Variants in SLC22A11 observed in about 807,000 individuals in gnomAD.
SLC22A11 encodes solute carrier family 22 member 11.
SLC22A11 carries 42 observed loss-of-function variants against 49.4 expected under a neutral mutation model. The observed-to-expected ratio is 0.85, with a 90% CI of 0.66 to 1.10. The LOEUF is 1.10. SLC22A11 is among the 50% of genes least tolerant of loss of function. SLC22A11 has a pLI of 0.00. For missense variants in SLC22A11, 685 were observed against 731.6 expected (o/e 0.94, Z 0.74); for synonymous variants, 304 against 315.8 (o/e 0.96, Z 0.40).
intron 2 of SLC22A11, among the ~76,000 whole-genome samples, chr11:64,560,480 C>T (rs1383164858): frequency 2.0e-5 from 3 of 152,334 alleles, no homozygotes; most frequent in South Asian, 4.1e-4. Flanking sequence ...CTCCTGGGGC[C>T]CCCTGCACGC....
At position 64,556,324 on chromosome 11, in the gene SLC22A11, G is replaced by A. The variant is rs991121523; in HGVS notation, c.325G>A (p.Asp109Asn). Residue 109 changes from aspartate (D) to asparagine (N), a missense_variant, in exon 1 of 10, where the codon GAC (aspartate) becomes AAC (asparagine). Transcript: ENST00000301891. ...CACGGCCACCAGCTGGAGCGAAGCT[G>A]ACACGGAGCCGTGTGTGGACGGCTG... ...NATATSWSEA[D>N]TEPCVDGWVY... 3 of 1,613,464 alleles carry A rather than the reference G, an allele frequency of 1.9e-6. No individual in the cohort carries two copies. The highest frequency in any genetic ancestry group is 2.5e-6 in the Non-Finnish European group (3 of 1,180,032).
chr11:64,570,904 A>G (rs1591378290), intron 9 of SLC22A11, 75 bp from the exon 10 acceptor site: 1 of 1,455,094 alleles, frequency 6.9e-7, no homozygotes, highest in Admixed American at 1.7e-5. Context: ...ATAAGACTTG[A>G]CCGCCATTTT....
rs1434564198 is a variant in SLC22A11, at chr11:64,572,283, T to C, written c.*1241T>C. 2 of 152,222 alleles carry C rather than the reference T, an allele frequency of 1.3e-5. No homozygotes were observed. The highest frequency in any genetic ancestry group is 2.9e-5 in the Non-Finnish European group (2 of 68,060). 9.4% of individuals were successfully genotyped at this position (152,222 alleles called of 1,614,324 possible). On this transcript the variant is annotated 3_prime_UTR_variant, in exon 10 of 10. Coordinates refer to ENST00000301891, the MANE Select transcript of SLC22A11 (RefSeq NM_018484.4). The stretch of plus-strand genomic sequence containing the variant: ...GTCGAGGCCGGCTGCCCATCTCAGA[T>C]GGGCAAGGAAGCAAAAGTGCAGAGT...
chr11:64,564,491 G>A lies in SLC22A11; in HGVS notation c.942+63G>A. On this transcript the variant is annotated intron_variant, in intron 5 of 9. Coordinates refer to ENST00000301891, the MANE Select transcript of SLC22A11 (RefSeq NM_018484.4). This position sits in a 1 kb window ranked among gnomAD's most constrained non-coding sequence, Gnocchi z 4.2. ...GGACGTGCACTGAGGGATCATCCGT[G>A]TGGCCTCCAACAGCACCACCCACTC... The A allele has an allele frequency of 6.3e-7, 1 of 1,587,764 alleles. No homozygotes were observed. The highest frequency in any genetic ancestry group is 1.1e-5 in the South Asian group (1 of 87,392).
rs139645779 is a variant in SLC22A11, at chr11:64,567,675, G to A, written c.1135G>A (p.Ala379Thr). 61 of 1,613,950 alleles carry A rather than the reference G, an allele frequency of 3.8e-5. No homozygotes were observed. In the East Asian group the frequency reaches 6.0e-4, roughly 16 times the overall value. ...SLGRDIFLLQ[A>T]LFGAVDFLGR... ...GGGCCGTGACATCTTCCTCCTCCAG[G>A]CCCTCTTCGGGGCCGTGGACTTCCT... is the stretch of plus-strand genomic sequence containing the variant. Residue 379 changes from alanine to threonine, a missense_variant, in exon 7 of 10, where the codon GCC (alanine) becomes ACC (threonine). By Grantham distance (58) the Ala-to-Thr change is moderately conservative. Coordinates refer to ENST00000301891, the MANE Select transcript of SLC22A11 (RefSeq NM_018484.4).
chr11:64,567,552 C>A, intron 6 of SLC22A11, 47 bp from the exon 7 acceptor site: 1 of 1,575,570 alleles, frequency 6.3e-7, no homozygotes, highest in Non-Finnish European at 8.7e-7. Flanking sequence ...TGTTGGGGTG[C>A]CCTCTCCCCG....
At position 64,559,238 on chromosome 11, in the gene SLC22A11, G is replaced by A. The variant is rs571324325; in HGVS notation, c.497G>A (p.Arg166Gln). ...TTTATCTGGGGCCTCCTCTCCTACC[G>A]GTGAGTGCCTCCGCTCCTCCCAGCC... is the stretch of plus-strand genomic sequence containing the variant. Reference protein sequence around the residue: ...GSFIWGLLSYRFGRKPMLSWC... With the variant: ...GSFIWGLLSYQFGRKPMLSWC... The change falls in exon 2 of 10, where the codon CGG becomes CAG. Residue 166 changes from arginine to glutamine, a missense_variant and splice_region_variant. Arg to Gln is a conservative substitution (Grantham distance 43). Coordinates refer to ENST00000301891, the MANE Select transcript of SLC22A11 (RefSeq NM_018484.4). 1.8e-5 allele frequency: 28 copies of A among 1,594,646 alleles called. No individual in the cohort carries two copies. In the Admixed American group the frequency reaches 2.1e-4, roughly 12 times the overall value.
rs767294803 is a variant in SLC22A11 at position 64,556,078 on chromosome 11, C to T, written c.79C>T (p.Pro27Ser). Reference protein sequence around the residue: ...QTLQVLTFILPCLMIPSQMLL... With the variant: ...QTLQVLTFILSCLMIPSQMLL... ...CCTGCAGGTGCTCACCTTCATCCTCCCCTGCCTCATGATACCTTCCCAGAT... is the reference window on the plus strand; with the variant it reads ...CCTGCAGGTGCTCACCTTCATCCTCTCCTGCCTCATGATACCTTCCCAGAT... The change falls in exon 1 of 10, where the codon CCC becomes TCC. Residue 27 changes from proline to serine, a missense_variant. Physicochemically the swap from Pro to Ser is moderately conservative, Grantham distance 74. Transcript: ENST00000301891. 3 of 1,613,990 alleles carry T rather than the reference C, an allele frequency of 1.9e-6. No individual in the cohort carries two copies. Among genetic ancestry groups the T allele is most frequent in the African/African-American group, 2.7e-5 (2 of 74,952 alleles).
Position 64,564,481 on chromosome 11 carries a change from G to C in SLC22A11, c.942+53G>C, listed in dbSNP as rs1226775212. ...ACCTGGGACAGGACGTGCACTGAGG[G>C]ATCATCCGTGTGGCCTCCAACAGCA... On this transcript the variant is annotated intron_variant, in intron 5 of 9. Transcript: ENST00000301891. This position sits in a 1 kb window ranked among gnomAD's most constrained non-coding sequence, Gnocchi z 4.2. 1 of 1,596,964 alleles carries C rather than the reference G, an allele frequency of 6.3e-7. No individual in the cohort carries two copies. Among genetic ancestry groups the C allele is most frequent in the Non-Finnish European group, 8.6e-7 (1 of 1,169,408 alleles).
chr11:64,564,559 C>A lies in SLC22A11; in HGVS notation c.942+131C>A. On this transcript the variant is annotated intron_variant, in intron 5 of 9. Transcript: ENST00000301891. The surrounding 1 kb of genome is among the most constrained non-coding windows in gnomAD (Gnocchi z 4.2). ...GCACCACCACCAGCATCTCCACAGA[C>A]ACCACCAACACCTCCATCACCACCT... 1 of 1,048,292 alleles carries A rather than the reference C, an allele frequency of 9.5e-7. No individual in the cohort carries two copies. Among genetic ancestry groups the A allele is most frequent in the Non-Finnish European group, 1.4e-6 (1 of 718,060 alleles). The allele number at this position is 1,048,292 out of a possible 1,614,324, so 64.9% of individuals were successfully genotyped here.
rs1011361673 is a variant in SLC22A11 at position 64,562,931 on chromosome 11, C to T, written c.821+496C>T. Among the ~76,000 whole-genome samples, 19 of 152,160 alleles carry T rather than the reference C, an allele frequency of 1.2e-4. No individual in the cohort carries two copies. Among genetic ancestry groups the T allele is most frequent in the African/African-American group, 4.6e-4 (19 of 41,434 alleles). On this transcript the variant is annotated intron_variant, in intron 4 of 9. Coordinates refer to ENST00000301891, the MANE Select transcript of SLC22A11 (RefSeq NM_018484.4). The surrounding 1 kb of genome is among the most constrained non-coding windows in gnomAD (Gnocchi z 4.4). The stretch of plus-strand genomic sequence containing the variant: ...AATACTTGCACCAGCCCCCACCCAC[C>T]AGCTTCACTCCTTCACATACAGTGC...
intron 1 of SLC22A11, among the ~76,000 whole-genome samples, chr11:64,557,132 G>A (rs796311976): frequency 9.2e-5 from 14 of 152,196 alleles, no homozygotes; most frequent in Admixed American, 3.3e-4. Context: ...GCCCTGCACC[G>A]GCAAAGTGGC....
At chr11:64,559,380 G>A in intron 2 of SLC22A11, 142 bp downstream of exon 2, 1 of 671,806 alleles carries the variant, frequency 1.5e-6, no homozygotes, top group Non-Finnish European at 2.3e-6. Flanking sequence ...TCCCTCCCCT[G>A]GCCATCCGAA....
chr11:64,567,843 G>C (rs769047306), intron 7 of SLC22A11, 30 bp downstream of exon 7: 46 of 1,544,514 alleles, frequency 3.0e-5, no homozygotes, highest in Admixed American at 2.1e-4. Context: ...CGGTGGGACC[G>C]GGCCCTGCTT....
Position 64,569,782 on chromosome 11 carries a change from A to G in SLC22A11, c.1513A>G (p.Ser505Gly). The change falls in exon 9 of 10, where the codon AGC (serine) becomes GGC (glycine). Residue 505 changes from serine to glycine, a missense_variant. Transcript: ENST00000301891. ...CTATGGCGTTATCTCCATTGCTTCCAGCCTGGTTGTGCTGTTCTTCCTCCC... is the reference window on the plus strand; with the variant it reads ...CTATGGCGTTATCTCCATTGCTTCCGGCCTGGTTGTGCTGTTCTTCCTCCC... ...LLYGVISIAS[S>G]LVVLFFLPET... 6.2e-7 allele frequency: 1 copy of G among 1,614,048 alleles called. No individual in the cohort carries two copies. The highest frequency in any genetic ancestry group is 8.5e-7 in the Non-Finnish European group (1 of 1,180,008).
In SLC22A11 at chr11:64,571,325, C is replaced by T. The variant is rs1591378544; in HGVS notation, c.*283C>T. The T allele has an allele frequency of 2.3e-6, 1 of 433,392 alleles. No homozygotes were observed. The highest frequency in any genetic ancestry group is 4.1e-5 in the East Asian group (1 of 24,606). 26.8% of individuals were successfully genotyped at this position (433,392 alleles called of 1,614,324 possible). A position where few individuals can be genotyped will look rare whatever the true frequency, so the allele number is the denominator to read the frequency against. On this transcript the variant is annotated 3_prime_UTR_variant, in exon 10 of 10. Transcript: ENST00000301891. ...CAACCAATAACGAGACGGTTCCCCT[C>T]CCTTTCCCTGCCAGGCTCATGTCTT...
rs139931780 is a variant in SLC22A11, at chr11:64,562,130, C to T, written c.624C>T (p.Ala208=). 3.6e-4 allele frequency: 576 copies of T among 1,613,816 alleles called. 6 individuals carry two copies. The Middle Eastern group carries it at 8.7e-3, about 24-fold the overall frequency. Residue 208 remains alanine (A), a synonymous_variant, in exon 3 of 10, where the codon GCC becomes GCT. Coordinates refer to ENST00000301891, the MANE Select transcript of SLC22A11 (RefSeq NM_018484.4). The surrounding 1 kb of genome is among the most constrained non-coding windows in gnomAD (Gnocchi z 4.4). The part of the protein sequence containing the change: ...GLRFVAAFGM[A]GIFLSSLTLM... ...GGTTCGTGGCCGCTTTTGGGATGGC[C>T]GGCATCTTTCTGAGTTCACTGACAC...
Position 64,564,687 on chromosome 11 carries a change from C to A in SLC22A11, c.942+259C>A, listed in dbSNP as rs1337733557. ...ACCTTCACTGCCATCACTCCATCAC[C>A]ACCAGCACCACCAATACCATCACTA... On this transcript the variant is annotated intron_variant, in intron 5 of 9. Transcript: ENST00000301891. The surrounding 1 kb of genome is among the most constrained non-coding windows in gnomAD (Gnocchi z 4.2). 6.6e-6 allele frequency among the ~76,000 whole-genome samples: 1 copy of A among 152,134 alleles called. No homozygotes were observed. The highest frequency in any genetic ancestry group is 1.5e-5 in the Non-Finnish European group (1 of 68,018).
intron 1 of SLC22A11, among the ~76,000 whole-genome samples, chr11:64,556,840 G>A (rs2038469019): frequency 1.3e-5 from 2 of 152,110 alleles, no homozygotes; most frequent in Admixed American, 1.3e-4. Flanking sequence ...GGGGGCAGAG[G>A]GGGGTTCTTG....
Sources: allele counts gnomAD v4.1 joint callset (sites outside exome capture counted in the v4.1 genomes callset), GRCh38; gene constraint gnomAD v4.1.1; non-coding constraint Gnocchi (gnomAD v3.1); transcripts MANE v1.5; gene names NCBI Gene and HGNC (gene_info 2026-07-23, HGNC 2026-07-21).